ELAVL4: variants seen among roughly 807,000 people sequenced by gnomAD.
ELAVL4 encodes the protein ELAV-like protein 4.
A neutral mutation model predicts 35.6 loss-of-function variants in ELAVL4; 1 was observed. That is an observed-to-expected ratio of 0.03 (90% CI 0.01 to 0.13). The LOEUF (loss-of-function observed/expected upper bound fraction) is 0.13, where lower values mean the gene tolerates loss of function less well. ELAVL4 is among the 10% of genes least tolerant of loss of function. The pLI, the probability that ELAVL4 is intolerant of heterozygous loss-of-function variation, is 1.00. For synonymous variants in ELAVL4, 156 were observed against 171.0 expected, an observed-to-expected ratio of 0.91 and a Z score of 0.69; for missense variants, 267 against 464.9, an observed-to-expected ratio of 0.57 and a Z score of 3.91.
chr1:50,161,616 G>A (rs954046114), intron 2 of ELAVL4, among the ~76,000 whole-genome samples: 1 of 152,182 alleles, frequency 6.6e-6, no homozygotes, highest in African/African-American at 2.4e-5. Context: ...TTTTTGAAAT[G>A]TGTATTTAAA....
upstream of ELAVL4, among the ~76,000 whole-genome samples, chr1:50,099,611 T>C (rs935036516): frequency 6.7e-6 from 1 of 150,120 alleles, no homozygotes; most frequent in Non-Finnish European, 1.5e-5. Flanking sequence ...AACAATGAAC[T>C]ATAATCCATT....
At chr1:50,072,053 T>G (rs1177786600) in intron 1 of ELAVL4, among the ~76,000 whole-genome samples, 1 of 152,202 alleles carries the variant, frequency 6.6e-6, no homozygotes, top group Non-Finnish European at 1.5e-5. Flanking sequence ...CTCTTACTAG[T>G]GTTAATGATT....
chr1:50,181,234 T>G (rs1419063197), intron 3 of ELAVL4: 2 of 152,228 alleles, frequency 1.3e-5, no homozygotes, highest in Non-Finnish European at 2.9e-5. Flanking sequence ...GGGTGTGTAT[T>G]TGGCTCTGTG....
At chr1:50,104,255 A>G (rs1177810185), upstream of ELAVL4, among the ~76,000 whole-genome samples, 1 of 152,228 alleles carries the variant, frequency 6.6e-6, no homozygotes, top group East Asian at 1.9e-4. Context: ...CTTGAGATAA[A>G]CACTCTTTAA....
At chr1:50,108,577 A>G (rs967688083), upstream of ELAVL4, among the ~76,000 whole-genome samples, 1 of 152,156 alleles carries the variant, frequency 6.6e-6, no homozygotes, top group South Asian at 2.1e-4. Context: ...TTCGGCCCTC[A>G]GGATGGGAAA....
intron 1 of ELAVL4, among the ~76,000 whole-genome samples, chr1:50,122,532 G>T (rs187021532): frequency 7.9e-4 from 120 of 152,214 alleles, no homozygotes; most frequent in African/African-American, 2.6e-3. Context: ...ATGCCTAGTG[G>T]CATGGGTATT....
chr1:50,065,617 T>A (rs1395965121), intron 1 of ELAVL4, among the ~76,000 whole-genome samples: 1 of 152,204 alleles, frequency 6.6e-6, no homozygotes, highest in African/African-American at 2.4e-5. Flanking sequence ...GGTGGACTGG[T>A]TTATTTATTG....
At chr1:50,160,943 T>C (rs573790413) in intron 2 of ELAVL4, among the ~76,000 whole-genome samples, 1 of 152,348 alleles carries the variant, frequency 6.6e-6, no homozygotes, top group African/African-American at 2.4e-5. Flanking sequence ...GTGTTAAATA[T>C]AGCAGTTCCT....
chr1:50,150,646 T>A (rs1008002397), intron 2 of ELAVL4, among the ~76,000 whole-genome samples: 3 of 152,148 alleles, frequency 2.0e-5, no homozygotes, highest in Non-Finnish European at 4.4e-5. Flanking sequence ...CTGGATTGTT[T>A]TAATGTACCT....
Position 50,179,544 on chromosome 1 carries a change from G to C in ELAVL4, c.354+2352G>C, listed in dbSNP as rs533819266. 2.6e-5 allele frequency: 4 copies of C among 152,062 alleles called. No homozygotes were observed. The South Asian group carries it at 8.3e-4, about 32-fold the overall frequency. 9.4% of individuals were successfully genotyped at this position (152,062 alleles called of 1,614,324 possible). On this transcript the variant is annotated intron_variant, in intron 3 of 6. Transcript: ENST00000371824. ...TTTAAATTGCTTTTTTGTCTTTCAG[G>C]CCACTGTTTACCTCTGCTTCAGTTT... is the stretch of plus-strand genomic sequence containing the variant.
intron 1 of ELAVL4, chr1:50,048,186 G>A (rs1035848525): frequency 3.9e-6 from 6 of 1,521,820 alleles, no homozygotes; most frequent in Non-Finnish European, 5.3e-6. Context: ...GAACCAGGTA[G>A]AAGCGCCTCG....
At chr1:50,122,467 T>C (rs1361662960) in intron 1 of ELAVL4, among the ~76,000 whole-genome samples, 1 of 152,148 alleles carries the variant, frequency 6.6e-6, no homozygotes, top group Non-Finnish European at 1.5e-5. Context: ...CCTCTAGGGA[T>C]TAGGGAACCT....
intron 1 of ELAVL4, among the ~76,000 whole-genome samples, chr1:50,088,207 G>A (rs1665334763): frequency 6.6e-6 from 1 of 152,180 alleles, no homozygotes; most frequent in South Asian, 2.1e-4. Flanking sequence ...ACTGAACCAG[G>A]AGTGAAGGAT....
At position 50,200,799 on chromosome 1, in the gene ELAVL4, C is replaced by T. The variant is rs371429108; in HGVS notation, c.774-52C>T. ...CTGTGTCTGTGCATCTGTGTGTTAT[C>T]CTTGGTCAGACTGATGTCTGGACCA... On this transcript the variant is annotated intron_variant, in intron 6 of 6. Coordinates refer to ENST00000371824, the MANE Select transcript of ELAVL4 (RefSeq NM_001144774.3). The T allele has an allele frequency of 1.0e-4, 159 of 1,588,780 alleles. No homozygotes were observed. In the Middle Eastern group the frequency reaches 1.9e-3, roughly 19 times the overall value.
intron 1 of ELAVL4, among the ~76,000 whole-genome samples, chr1:50,068,989 T>C (rs964669736): frequency 1.3e-5 from 2 of 152,234 alleles, no homozygotes; most frequent in African/African-American, 2.4e-5. Flanking sequence ...ATTTATTTAT[T>C]TTAGAGAGAA....
At position 50,193,747 on chromosome 1, in the gene ELAVL4, C is replaced by A. The variant is rs762246458; in HGVS notation, c.355-18C>A. ...GTGATTGCCTATAATGGAATTAGCT[C>A]CTCTTGCCTTTTCCTAGGTCTCATA... is the stretch of plus-strand genomic sequence containing the variant. On this transcript the variant is annotated intron_variant, in intron 3 of 6. Coordinates refer to ENST00000371824, the MANE Select transcript of ELAVL4 (RefSeq NM_001144774.3). The A allele has an allele frequency of 6.2e-7, 1 of 1,610,000 alleles. No individual in the cohort carries two copies. The highest frequency in any genetic ancestry group is 1.1e-5 in the South Asian group (1 of 90,390).
At chr1:50,139,490 A>G (rs1672454918) in intron 1 of ELAVL4, among the ~76,000 whole-genome samples, 1 of 152,170 alleles carries the variant, frequency 6.6e-6, no homozygotes, top group African/African-American at 2.4e-5. Context: ...TGAATTCAAG[A>G]AGGGTCTGCT....
At chr1:50,094,755 A>AATAAATAAATAG in intron 1 of ELAVL4, among the ~76,000 whole-genome samples, 1 of 149,344 alleles carries the variant, frequency 6.7e-6, no homozygotes, top group Non-Finnish European at 1.5e-5. Flanking sequence ...TAAATAAATA[A>AATAAATAAATAG]ATAAATAAAT....
chr1:50,165,802 A>G (rs911765336), intron 2 of ELAVL4, among the ~76,000 whole-genome samples: 5 of 151,176 alleles, frequency 3.3e-5, no homozygotes, highest in African/African-American at 4.9e-5. Context: ...ATATGTGTAT[A>G]TGTGTGTGTG....
Sources: gnomAD v4.1 joint callset for allele counts (sites outside exome capture counted in the v4.1 genomes callset) on GRCh38, gnomAD v4.1.1 for gene constraint, MANE v1.5 for transcripts, NCBI Gene and HGNC (gene_info 2026-07-23, HGNC 2026-07-21) for gene names.